Variants in KMT2C observed in about 807,000 individuals in gnomAD.
KMT2C encodes lysine methyltransferase 2C, also known as histone-lysine N-methyltransferase 2C.
KMT2C carries 88 observed loss-of-function variants against 507.9 expected under a neutral mutation model. The observed-to-expected ratio is 0.17, with a 90% CI of 0.15 to 0.21. The LOEUF (loss-of-function observed/expected upper bound fraction) is 0.21. Ranked by LOEUF, KMT2C falls within the 10% of genes least tolerant of loss-of-function variation. The pLI is 1.00. For synonymous variants in KMT2C, 2,049 were observed against 2,080.8 expected (o/e 0.98, Z 0.42); for missense variants, 4,954 against 5,957.8 (o/e 0.83, Z 5.55).
At chr7:152,248,771 C>A (rs1049488543) in intron 13 of KMT2C, 151 bp from the exon 14 acceptor site, 19 of 584,928 alleles carry the variant, frequency 3.2e-5, no homozygotes, top group Middle Eastern at 9.0e-4. Context: ...AGCCAAAGTA[C>A]ACAAGGATTT....
At chr7:152,225,773 G>A (rs189095028) in intron 18 of KMT2C, among the ~76,000 whole-genome samples, 10 of 152,062 alleles carry the variant, frequency 6.6e-5, no homozygotes, top group Admixed American at 5.9e-4. Context: ...CTAGAAGGAG[G>A]GTAGGACTTC....
intron 1 of KMT2C, among the ~76,000 whole-genome samples, chr7:152,386,073 T>C (rs1000208193): frequency 4.3e-4 from 64 of 150,420 alleles, no homozygotes; most frequent in African/African-American, 1.5e-3. Context: ...AGTGACAGAA[T>C]GAGACTCCGT....
intron 31 of KMT2C, 23 bp from the exon 32 acceptor site, chr7:152,187,870 G>A (rs531647929): frequency 1.7e-5 from 28 of 1,611,842 alleles, no homozygotes; most frequent in East Asian, 4.5e-5. Flanking sequence ...AAATAATTCC[G>A]TTGGCATGAT....
chr7:152,255,144 T>TATATATATATATATATATAC (rs1361185988), intron 9 of KMT2C, among the ~76,000 whole-genome samples: 2 of 120,370 alleles, frequency 1.7e-5, no homozygotes, highest in African/African-American at 6.7e-5. Flanking sequence ...TATATATATA[T>TATATATATATATATATATAC]ACATATATAT....
At chr7:152,297,089 GAGAGAA>G (rs1356081519) in intron 6 of KMT2C, among the ~76,000 whole-genome samples, 13 of 150,018 alleles carry the variant, frequency 8.7e-5, no homozygotes, top group African/African-American at 2.2e-4. Flanking sequence ...GAGAGAGAGA[GAGAGAA>G]AGAAAGAAAG....
chr7:152,384,036 A>ATGTGTGTCTG (rs767896796), intron 1 of KMT2C, among the ~76,000 whole-genome samples: 9 of 145,082 alleles, frequency 6.2e-5, no homozygotes, highest in Non-Finnish European at 1.2e-4. Context: ...AGAGGCAGAC[A>ATGTGTGTCTG]TGTGTGTCTG....
intron 6 of KMT2C, among the ~76,000 whole-genome samples, chr7:152,300,555 A>G (rs1385153684): frequency 2.0e-5 from 3 of 152,246 alleles, no homozygotes; most frequent in Non-Finnish European, 4.4e-5. Flanking sequence ...AAGCTGGTAC[A>G]TGGATTTTTC....
intron 49 of KMT2C, among the ~76,000 whole-genome samples, chr7:152,152,112 C>A (rs1002866201): frequency 6.6e-6 from 1 of 152,166 alleles, no homozygotes; most frequent in Non-Finnish European, 1.5e-5. Context: ...AGTGACAGAA[C>A]AGCTAGAAGC....
chr7:152,190,597 T>A (rs2093763048), intron 31 of KMT2C, among the ~76,000 whole-genome samples: 1 of 152,180 alleles, frequency 6.6e-6, no homozygotes, highest in Non-Finnish European at 1.5e-5. Flanking sequence ...TGGTCTTTTT[T>A]TTTTCCAAGT....
At chr7:152,424,424 T>C (rs1308896750) in intron 1 of KMT2C, among the ~76,000 whole-genome samples, 2 of 152,136 alleles carry the variant, frequency 1.3e-5, no homozygotes, top group Non-Finnish European at 2.9e-5. Context: ...TAATCTTTTT[T>C]TTGTGTGTGA....
intron 55 of KMT2C, among the ~76,000 whole-genome samples, chr7:152,141,793 T>C (rs184409649): frequency 1.2e-3 from 177 of 150,172 alleles, no homozygotes; most frequent in Admixed American, 2.0e-3. Context: ...CCGAGGCAGG[T>C]GAATTGCTTG....
intron 14 of KMT2C, among the ~76,000 whole-genome samples, chr7:152,245,961 G>A (rs759426933): frequency 3.3e-5 from 5 of 152,060 alleles, no homozygotes; most frequent in East Asian, 1.9e-4. Flanking sequence ...AATCCCCAAC[G>A]TGAAGAATAT....
At chr7:152,165,698 T>C (rs2092695641) in intron 42 of KMT2C, among the ~76,000 whole-genome samples, 1 of 152,232 alleles carries the variant, frequency 6.6e-6, no homozygotes. Context: ...TGTTTTGTTT[T>C]GTTTTTGAGA....
At chr7:152,186,017 A>G (rs1181923773) in intron 33 of KMT2C, among the ~76,000 whole-genome samples, 7 of 152,224 alleles carry the variant, frequency 4.6e-5, no homozygotes, top group African/African-American at 1.2e-4. Flanking sequence ...AGAAGTAAAC[A>G]AAGTCATAAA....
chr7:152,312,782 G>T (rs1001727983), intron 4 of KMT2C, among the ~76,000 whole-genome samples: 1 of 152,080 alleles, frequency 6.6e-6, no homozygotes, highest in Non-Finnish European at 1.5e-5. Context: ...TTAAATATGG[G>T]AAATCAGATG....
chr7:152,201,293 G>GACACACACACAC (rs3839689), intron 26 of KMT2C, among the ~76,000 whole-genome samples: 7 of 136,950 alleles, frequency 5.1e-5, no homozygotes, highest in Admixed American at 1.5e-4. Context: ...TACAGACACA[G>GACACACACACAC]ACACACACAC....
At chr7:152,236,158 A>C (rs2095269471) in intron 15 of KMT2C, among the ~76,000 whole-genome samples, 1 of 152,298 alleles carries the variant, frequency 6.6e-6, no homozygotes. Context: ...TAGGCCTGTC[A>C]CTGTGAATGC....
chr7:152,221,650 A>T (rs960178663), intron 22 of KMT2C, among the ~76,000 whole-genome samples: 7 of 152,216 alleles, frequency 4.6e-5, no homozygotes, highest in Non-Finnish European at 1.0e-4. Flanking sequence ...ATTATTTTAA[A>T]AATTAAGAGA....
intron 6 of KMT2C, among the ~76,000 whole-genome samples, chr7:152,300,532 A>G (rs1206567781): frequency 3.9e-5 from 6 of 152,216 alleles, no homozygotes; most frequent in Non-Finnish European, 7.3e-5. Flanking sequence ...CATGGAAGGC[A>G]CAGCACATAA....
Sources: gnomAD v4.1 joint callset for allele counts (sites outside exome capture counted in the v4.1 genomes callset) on GRCh38, gnomAD v4.1.1 for gene constraint, MANE v1.5 for transcripts, NCBI Gene and HGNC (gene_info 2026-07-23, HGNC 2026-07-21) for gene names.